FRYL: variants seen among roughly 807,000 people sequenced by gnomAD.
FRYL encodes FRY like transcription coactivator.
Under a neutral mutation model 351.2 loss-of-function variants are expected in FRYL, and 150 were observed. The ratio of observed to expected loss-of-function variants is 0.43; its 90% CI spans 0.37 to 0.49. The LOEUF is 0.49. Ranked by LOEUF, FRYL falls within the 20% of genes least tolerant of loss-of-function variation. The pLI is 0.00. For synonymous variants in FRYL, 1,153 were observed against 1,257.1 expected, an observed-to-expected ratio of 0.92 and a Z score of 1.75; for missense variants, 3,036 against 3,619.3, an observed-to-expected ratio of 0.84 and a Z score of 4.13.
chr4:48,698,562 G>C (rs1379443825), intron 2 of FRYL, among the ~76,000 whole-genome samples: 1 of 152,198 alleles, frequency 6.6e-6, no homozygotes, highest in African/African-American at 2.4e-5. Context: ...GATTTACACT[G>C]ATTGACAGTT....
chr4:48,753,048 G>A (rs534928210), intron 1 of FRYL, among the ~76,000 whole-genome samples: 5 of 152,214 alleles, frequency 3.3e-5, no homozygotes, highest in East Asian at 1.9e-4. Flanking sequence ...ATTCAAGAAC[G>A]TCATAATTCA....
In FRYL at chr4:48,730,489, C is replaced by T. The variant is rs1164416061; in HGVS notation, c.-383-19791G>A. Reference sequence around the variant, plus strand: ...TGTTAAGGACAGCCAGAGAGAAAGGCTGGGTTACCCACAAAAGGGAAGCCC... The same window carrying T: ...TGTTAAGGACAGCCAGAGAGAAAGGTTGGGTTACCCACAAAAGGGAAGCCC... On this transcript the variant is annotated intron_variant, in intron 1 of 63. Transcript: ENST00000358350. 3.3e-5 allele frequency among the ~76,000 whole-genome samples: 5 copies of T among 152,128 alleles called. No individual in the cohort carries two copies. In the East Asian group the frequency reaches 7.7e-4, roughly 23 times the overall value.
intron 48 of FRYL, 77 bp from the exon 49 acceptor site, chr4:48,534,762 G>A: frequency 3.3e-6 from 3 of 900,920 alleles, no homozygotes; most frequent in Non-Finnish European, 5.0e-6. Context: ...ACATTTGACA[G>A]GTTGGAAAAC....
At chr4:48,717,031 C>T (rs576157659) in intron 1 of FRYL, among the ~76,000 whole-genome samples, 1 of 146,794 alleles carries the variant, frequency 6.8e-6, no homozygotes, top group Admixed American at 7.1e-5. Context: ...AACAAAAAAC[C>T]AAACACCACA....
intron 1 of FRYL, among the ~76,000 whole-genome samples, chr4:48,778,102 T>C (rs1209733784): frequency 6.6e-6 from 1 of 152,110 alleles, no homozygotes; most frequent in Non-Finnish European, 1.5e-5. Context: ...GAGCCTGGGG[T>C]GGGAGGATCA....
At chr4:48,707,822 TTTTC>T (rs1482020087) in intron 2 of FRYL, among the ~76,000 whole-genome samples, 1 of 150,970 alleles carries the variant, frequency 6.6e-6, no homozygotes, top group Non-Finnish European at 1.5e-5. Flanking sequence ...CTGTATTTCT[TTTTC>T]TTTTTTTTTT....
At chr4:48,601,705 G>C (rs1247510913) in intron 13 of FRYL, among the ~76,000 whole-genome samples, 4 of 152,198 alleles carry the variant, frequency 2.6e-5, no homozygotes, top group Non-Finnish European at 5.9e-5. Context: ...AGAAGGTTTT[G>C]TGAGATTAAT....
At chr4:48,563,081 G>T in intron 31 of FRYL, 93 bp from the exon 32 acceptor site, 2 of 802,540 alleles carry the variant, frequency 2.5e-6, no homozygotes, top group Admixed American at 2.3e-5. Flanking sequence ...AAGGCTTATA[G>T]GCATCTATCT....
In FRYL at chr4:48,568,785, T is replaced by C. The variant is rs1318025277; in HGVS notation, c.2997-1365A>G. 4.6e-5 allele frequency among the ~76,000 whole-genome samples: 7 copies of C among 152,294 alleles called. No homozygotes were observed. The East Asian group carries it at 1.3e-3, about 29-fold the overall frequency. ...TTCCTTAAATGAGTGTTTTTCAAGC[T>C]CTGGATCATGACCTACTAGTGGATA... is the stretch of plus-strand genomic sequence containing the variant. On this transcript the variant is annotated intron_variant, in intron 27 of 63. Transcript: ENST00000358350.
chr4:48,590,112 C>T (rs1339803154), intron 17 of FRYL, among the ~76,000 whole-genome samples: 3 of 152,114 alleles, frequency 2.0e-5, no homozygotes, highest in African/African-American at 7.2e-5. Flanking sequence ...GGACAGAATG[C>T]AGTGAATAGG....
At chr4:48,663,993 T>C (rs1560818652) in intron 3 of FRYL, among the ~76,000 whole-genome samples, 2 of 152,156 alleles carry the variant, frequency 1.3e-5, no homozygotes, top group South Asian at 2.1e-4. Context: ...AAGGCCACTC[T>C]GTGGGAACAA....
intron 1 of FRYL, among the ~76,000 whole-genome samples, chr4:48,729,788 C>G (rs1055744705): frequency 6.6e-6 from 1 of 152,134 alleles, no homozygotes; most frequent in Non-Finnish European, 1.5e-5. Context: ...TGGAGAGAAG[C>G]CACAGCAGAA....
At chr4:48,527,811 C>T (rs1726595760) in intron 52 of FRYL, among the ~76,000 whole-genome samples, 158 bp from the exon 53 acceptor site, 1 of 152,100 alleles carries the variant, frequency 6.6e-6, no homozygotes, top group South Asian at 2.1e-4. Flanking sequence ...ACATAGTTAG[C>T]ATGGCTGCCA....
At chr4:48,715,970 G>A (rs1260943787) in intron 1 of FRYL, among the ~76,000 whole-genome samples, 242 of 150,188 alleles carry the variant, frequency 1.6e-3, no homozygotes, top group East Asian at 5.6e-3. Context: ...AAATAATGCC[G>A]CATATCTACA....
At chr4:48,683,412 G>A (rs1191688972) in intron 3 of FRYL, among the ~76,000 whole-genome samples, 7 of 146,760 alleles carry the variant, frequency 4.8e-5, no homozygotes, top group Admixed American at 4.1e-4. Flanking sequence ...AGAACTTAAA[G>A]TATAATTAAA....
chr4:48,565,136 CA>C (rs562191737), intron 29 of FRYL, 93 bp from the exon 30 acceptor site: 9 of 608,522 alleles, frequency 1.5e-5, no homozygotes, highest in African/African-American at 5.8e-5. Flanking sequence ...TATCTAGTCA[CA>C]ATACTTTAAT....
intron 3 of FRYL, among the ~76,000 whole-genome samples, chr4:48,649,237 ACAATC>A (rs1757162402): frequency 6.6e-6 from 1 of 152,170 alleles, no homozygotes; most frequent in Non-Finnish European, 1.5e-5. Flanking sequence ...TACTATTTTT[ACAATC>A]CAAAAAAAAA....
At chr4:48,618,927 T>G (rs1454572554) in intron 7 of FRYL, 2 of 186,092 alleles carry the variant, frequency 1.1e-5, no homozygotes, top group African/African-American at 4.7e-5. Flanking sequence ...AATGCAGGCT[T>G]GGGGGCTTAG....
At chr4:48,647,608 A>G (rs1756787405) in intron 3 of FRYL, among the ~76,000 whole-genome samples, 1 of 152,218 alleles carries the variant, frequency 6.6e-6, no homozygotes, top group African/African-American at 2.4e-5. Flanking sequence ...AGTCTCAAAA[A>G]TGAAATGTCT....
Sources: gnomAD v4.1 joint callset for allele counts (sites outside exome capture counted in the v4.1 genomes callset) on GRCh38, gnomAD v4.1.1 for gene constraint, MANE v1.5 for transcripts, NCBI Gene and HGNC (gene_info 2026-07-23, HGNC 2026-07-21) for gene names.